The following CBLB variants were observed in gnomAD, a reference collection of about 807,000 sequenced individuals.
CBLB encodes Cbl proto-oncogene B.
CBLB carries 31 observed loss-of-function variants against 104.9 expected under a neutral mutation model. The observed-to-expected ratio is 0.30, with a 90% CI of 0.22 to 0.40. The LOEUF (loss-of-function observed/expected upper bound fraction) is 0.40, where lower values mean the gene tolerates loss of function less well. Ranked by LOEUF, CBLB falls within the 10% of genes least tolerant of loss-of-function variation. The pLI is 1.00. For missense variants in CBLB, 1,062 were observed against 1,214.6 expected (o/e 0.87, Z 1.87); for synonymous variants, 440 against 422.6 (o/e 1.04, Z -0.51).
rs2063418936 is a variant in CBLB, at chr3:105,657,393, T to C, written c.*1577A>G. On this transcript the variant is annotated 3_prime_UTR_variant, in exon 19 of 19. Transcript: ENST00000394030. Reference sequence around the variant, plus strand: ...TAGTCCATATTTAGAAAACTTTCTGTGGGTTCAAGCATTTACACAGAGATG... The same window carrying C: ...TAGTCCATATTTAGAAAACTTTCTGCGGGTTCAAGCATTTACACAGAGATG... The C allele has an allele frequency of 4.7e-6, 1 of 214,106 alleles. No homozygotes were observed. The highest frequency in any genetic ancestry group is 9.4e-6 in the Non-Finnish European group (1 of 106,086). 13.3% of individuals were successfully genotyped at this position (214,106 alleles called of 1,614,324 possible).
chr3:105,727,605 G>T lies in CBLB; in HGVS notation c.1203+6404C>A, dbSNP rs565648605. Among the ~76,000 whole-genome samples the T allele has an allele frequency of 8.5e-5, 13 of 152,248 alleles. No individual in the cohort carries two copies. The East Asian group carries it at 1.7e-3, about 20-fold the overall frequency. The stretch of plus-strand genomic sequence containing the variant: ...CCATTGCTTTTAGTGTTTTAGTCAT[G>T]AAGTCTTTGCCCATGCCTATGTACT... On this transcript the variant is annotated intron_variant, in intron 9 of 18. Coordinates refer to ENST00000394030, the MANE Select transcript of CBLB (RefSeq NM_170662.5).
At chr3:105,846,109 G>GA (rs1235942721) in intron 3 of CBLB, among the ~76,000 whole-genome samples, 1 of 151,890 alleles carries the variant, frequency 6.6e-6, no homozygotes, top group South Asian at 2.1e-4. Context: ...AACAAATATA[G>GA]AAAAAATGAG....
intron 2 of CBLB, among the ~76,000 whole-genome samples, chr3:105,861,129 T>C (rs2092047759): frequency 7.1e-6 from 1 of 141,194 alleles, no homozygotes; most frequent in Non-Finnish European, 1.5e-5. Flanking sequence ...CTACAAATAC[T>C]TAAAAACAAA....
chr3:105,754,839 C>A (rs1417933232), intron 4 of CBLB, among the ~76,000 whole-genome samples: 1 of 152,064 alleles, frequency 6.6e-6, no homozygotes, highest in Non-Finnish European at 1.5e-5. Context: ...ATCTATTACA[C>A]AGAAATCTAT....
At chr3:105,722,093 G>A (rs551247964) in intron 9 of CBLB, among the ~76,000 whole-genome samples, 118 of 151,274 alleles carry the variant, frequency 7.8e-4, no homozygotes, top group South Asian at 1.5e-3. Flanking sequence ...CCAGCTGGTC[G>A]TGAGGCTGAG....
chr3:105,781,928 A>G (rs1486934018), intron 3 of CBLB, among the ~76,000 whole-genome samples: 4 of 152,202 alleles, frequency 2.6e-5, no homozygotes, highest in Non-Finnish European at 5.9e-5. Flanking sequence ...CAAGACATAA[A>G]GAATATAAAC....
At chr3:105,803,461 T>C (rs2083138453) in intron 3 of CBLB, among the ~76,000 whole-genome samples, 1 of 151,996 alleles carries the variant, frequency 6.6e-6, no homozygotes, top group Non-Finnish European at 1.5e-5. Context: ...TTTCATGGAG[T>C]GGACCACCTA....
intron 3 of CBLB, among the ~76,000 whole-genome samples, chr3:105,794,670 G>A (rs1354104930): frequency 6.6e-6 from 1 of 152,086 alleles, no homozygotes; most frequent in Non-Finnish European, 1.5e-5. Context: ...CCCAATACAA[G>A]TAGGCAAGAC....
chr3:105,667,654 TAC>T (rs1203741618), intron 18 of CBLB, among the ~76,000 whole-genome samples: 3 of 152,200 alleles, frequency 2.0e-5, no homozygotes, highest in African/African-American at 7.2e-5. Flanking sequence ...TATGTAGACA[TAC>T]ATATACATGC....
intron 6 of CBLB, among the ~76,000 whole-genome samples, chr3:105,741,105 T>TTTTG (rs1553758293): frequency 2.0e-5 from 3 of 147,324 alleles, no homozygotes; most frequent in Non-Finnish European, 4.5e-5. Flanking sequence ...GTTTTTTTTT[T>TTTTG]TTTTTTTTTT....
At chr3:105,858,829 A>G (rs962378533) in intron 2 of CBLB, among the ~76,000 whole-genome samples, 4 of 152,206 alleles carry the variant, frequency 2.6e-5, no homozygotes, top group Non-Finnish European at 2.9e-5. Flanking sequence ...TCTCCATACC[A>G]ATATACAACT....
Position 105,867,540 on chromosome 3 carries a change from C to T in CBLB, c.38G>A (p.Arg13Gln), listed in dbSNP as rs2092494193. 2 of 1,614,114 alleles carry T rather than the reference C, an allele frequency of 1.2e-6. No homozygotes were observed. Among genetic ancestry groups the T allele is most frequent in the East Asian group, 4.5e-5 (2 of 44,888 alleles). ...NSMNGRNPGGRGGNPRKGRIL... is the reference protein window; with the variant it reads ...NSMNGRNPGGQGGNPRKGRIL... ...TCGACCTTTTCGGGGATTTCCTCCTCGACCACCAGGGTTTCTGCCATTCAT... is the reference window on the plus strand; with the variant it reads ...TCGACCTTTTCGGGGATTTCCTCCTTGACCACCAGGGTTTCTGCCATTCAT... The change falls in exon 2 of 19, where the codon CGA (arginine) becomes CAA (glutamine). Residue 13 changes from arginine (R) to glutamine (Q), a missense_variant. Arg to Gln is a conservative substitution (Grantham distance 43). Coordinates refer to ENST00000394030, the MANE Select transcript of CBLB (RefSeq NM_170662.5).
intron 5 of CBLB, 88 bp from the exon 6 acceptor site, chr3:105,746,126 CAT>C: frequency 1.1e-6 from 1 of 898,632 alleles, no homozygotes; most frequent in Non-Finnish European, 1.7e-6. Flanking sequence ...ATACACTTAA[CAT>C]TATCTTGGAT....
In CBLB at chr3:105,745,981, T is replaced by C. The variant is rs748588106; in HGVS notation, c.781A>G (p.Met261Val). The change falls in exon 6 of 19, where the codon ATG (methionine) becomes GTG (valine). Residue 261 changes from methionine (M) to valine (V), a missense_variant. Transcript: ENST00000394030. ...NFLAVTHPGY[M>V]AFLTYDEVKA... ...ACTTCATCATATGTGAGAAATGCCATGTAACCTGGATGTGTCACAGCTAAG... is the reference window on the plus strand; with the variant it reads ...ACTTCATCATATGTGAGAAATGCCACGTAACCTGGATGTGTCACAGCTAAG... 1.9e-6 allele frequency: 3 copies of C among 1,610,768 alleles called. No individual in the cohort carries two copies. The highest frequency in any genetic ancestry group is 2.2e-5 in the East Asian group (1 of 44,832).
chr3:105,770,263 G>A lies in CBLB; in HGVS notation c.566+6133C>T, dbSNP rs373364371. On this transcript the variant is annotated intron_variant, in intron 4 of 18. Transcript: ENST00000394030. ...GAATTGGGAGGCTATAGCCTACTAC[G>A]TGAGACAGGTGAAAAACTCCTAAGT... Among the ~76,000 whole-genome samples, 5 of 152,160 alleles carry A rather than the reference G, an allele frequency of 3.3e-5. No individual in the cohort carries two copies. In the East Asian group the frequency reaches 5.8e-4, roughly 18 times the overall value.
chr3:105,668,413 CT>C (rs1313387462), intron 18 of CBLB, among the ~76,000 whole-genome samples: 1 of 152,150 alleles, frequency 6.6e-6, no homozygotes, highest in African/African-American at 2.4e-5. Context: ...AAGTTTTCCC[CT>C]AACTAAAGTA....
At chr3:105,698,886 T>G (rs1340762057) in intron 12 of CBLB, among the ~76,000 whole-genome samples, 1 of 152,120 alleles carries the variant, frequency 6.6e-6, no homozygotes, top group African/African-American at 2.4e-5. Flanking sequence ...AAATGACTAC[T>G]CTTCTGCAGA....
At chr3:105,782,002 C>T (rs1040790162) in intron 3 of CBLB, among the ~76,000 whole-genome samples, 1 of 152,168 alleles carries the variant, frequency 6.6e-6, no homozygotes, top group Admixed American at 6.5e-5. Context: ...TTCTGATGTA[C>T]TGCCCTCCAA....
chr3:105,711,834 T>G (rs1306762543), intron 10 of CBLB, among the ~76,000 whole-genome samples: 2 of 152,090 alleles, frequency 1.3e-5, no homozygotes, highest in Non-Finnish European at 2.9e-5. Flanking sequence ...GTTCACTAAT[T>G]CAAAGGCTGA....
Sources: gnomAD v4.1 joint callset for allele counts (sites outside exome capture counted in the v4.1 genomes callset) on GRCh38, gnomAD v4.1.1 for gene constraint, MANE v1.5 for transcripts, NCBI Gene and HGNC (gene_info 2026-07-23, HGNC 2026-07-21) for gene names.